POFUT1: variants seen among roughly 807,000 people sequenced by gnomAD.
The protein encoded by POFUT1 is GDP-fucose protein O-fucosyltransferase 1.
Under a neutral mutation model 42.4 loss-of-function variants are expected in POFUT1, and 16 were observed. The ratio of observed to expected loss-of-function variants is 0.38; its 90% CI spans 0.26 to 0.57. The LOEUF (loss-of-function observed/expected upper bound fraction) is 0.57, where lower values mean the gene tolerates loss of function less well. POFUT1 is among the 20% of genes least tolerant of loss of function. The probability of loss-of-function intolerance (pLI) is 0.71; values close to 1 mark genes in which losing one functional copy is unlikely to be tolerated. For missense variants in POFUT1, 470 were observed against 504.6 expected (o/e 0.93, Z 0.66); for synonymous variants, 206 against 205.4 (o/e 1.00, Z -0.03).
chr20:32,223,597 T>C (rs953208482), intron 4 of POFUT1: 9 of 985,412 alleles, frequency 9.1e-6, no homozygotes, highest in Non-Finnish European at 1.1e-5. Context: ...TGAGGTAGCA[T>C]CTGAAAGATT....
chr20:32,215,262 C>T lies in POFUT1; in HGVS notation c.247-7C>T, dbSNP rs764937706. On this transcript the variant is annotated splice_region_variant and splice_polypyrimidine_tract_variant and intron_variant, in intron 2 of 6. Transcript: ENST00000375749. ...AGACGGGACCTCTGCTCCTCCTTTTCCTGTAGCTCCATGTGTCCTACCAGA... is the reference window on the plus strand; with the variant it reads ...AGACGGGACCTCTGCTCCTCCTTTTTCTGTAGCTCCATGTGTCCTACCAGA... 16 of 1,603,254 alleles carry T rather than the reference C, an allele frequency of 1.0e-5. No homozygotes were observed. In the Admixed American group the frequency reaches 1.7e-4, roughly 17 times the overall value.
Position 32,237,765 on chromosome 20 carries a change from A to C in POFUT1, c.*3104A>C, listed in dbSNP as rs1288308721. 1.9e-6 allele frequency: 1 copy of C among 534,370 alleles called. No homozygotes were observed. Among genetic ancestry groups the C allele is most frequent in the South Asian group, 1.4e-5 (1 of 71,542 alleles). The allele number at this position is 534,370 out of a possible 1,614,324, so 33.1% of individuals were successfully genotyped here. ...GAGAAAGGGTGAAAGCAGAGAGACC[A>C]GTGCAGGGCTGTTAACAGGGTTGCA... On this transcript the variant is annotated 3_prime_UTR_variant, in exon 7 of 7. Coordinates refer to ENST00000375749, the MANE Select transcript of POFUT1 (RefSeq NM_015352.2).
At chr20:32,223,638 A>G in intron 4 of POFUT1, 5 of 985,416 alleles carry the variant, frequency 5.1e-6, no homozygotes, top group Non-Finnish European at 6.0e-6. Context: ...GTAGCTACTC[A>G]GGTAATATGA....
intron 4 of POFUT1, among the ~76,000 whole-genome samples, chr20:32,225,195 A>T (rs1182816138): frequency 6.6e-6 from 1 of 151,532 alleles, no homozygotes; most frequent in Non-Finnish European, 1.5e-5. Flanking sequence ...TTTTATTTTT[A>T]TTATTATTTT....
At chr20:32,212,200 C>G (rs1400183516) in intron 2 of POFUT1, among the ~76,000 whole-genome samples, 3 of 152,150 alleles carry the variant, frequency 2.0e-5, no homozygotes, top group Non-Finnish European at 4.4e-5. Flanking sequence ...GTGGCTTTTA[C>G]TCTTCTCCGT....
At chr20:32,225,100 C>T (rs865923518) in intron 4 of POFUT1, among the ~76,000 whole-genome samples, 11 of 152,168 alleles carry the variant, frequency 7.2e-5, no homozygotes, top group Non-Finnish European at 7.3e-5. Context: ...TATTAATTAG[C>T]TTGGCTGTAC....
At chr20:32,226,733 TA>T (rs1168969167) in intron 4 of POFUT1, among the ~76,000 whole-genome samples, 1 of 152,188 alleles carries the variant, frequency 6.6e-6, no homozygotes, top group Non-Finnish European at 1.5e-5. Context: ...GACCCAAGGA[TA>T]ATTCCCTTGA....
rs1257318778 is a variant in POFUT1, at chr20:32,207,892, C to G, written c.-50C>G. 1 of 1,483,378 alleles carries G rather than the reference C, an allele frequency of 6.7e-7. No individual in the cohort carries two copies. Among genetic ancestry groups the G allele is most frequent in the Middle Eastern group, 2.4e-4 (1 of 4,180 alleles). 91.9% of individuals were successfully genotyped at this position (1,483,378 alleles called of 1,614,324 possible). ...GAGCGGGGCGGGCGCTCGCGTCCCT[C>G]CTTCCCTCCCCGACTGTGCGCCGCG... On this transcript the variant is annotated 5_prime_UTR_variant, in exon 1 of 7. Transcript: ENST00000375749.
In POFUT1 at chr20:32,216,734, G is replaced by C. The variant is rs1248005491; in HGVS notation, c.542+13G>C. 1.3e-6 allele frequency: 2 copies of C among 1,574,742 alleles called. No individual in the cohort carries two copies. Among genetic ancestry groups the C allele is most frequent in the African/African-American group, 2.7e-5 (2 of 74,062 alleles). ...AATGGAGCCAGAGGTACTTGGAGGG[G>C]GTAGCGTTTCTGGGTTTAGGGGAGG... On this transcript the variant is annotated intron_variant, in intron 4 of 6. Transcript: ENST00000375749.
Position 32,228,200 on chromosome 20 carries a change from G to A in POFUT1, c.543-63G>A, listed in dbSNP as rs966227138. ...ATGGTGCAACACCATCCTTTTTCCC[G>A]TGGGGGTGGCAGCCAGGCTCTCTGT... On this transcript the variant is annotated intron_variant, in intron 4 of 6. Coordinates refer to ENST00000375749, the MANE Select transcript of POFUT1 (RefSeq NM_015352.2). The A allele has an allele frequency of 1.1e-5, 15 of 1,403,632 alleles. 1 individual carries two copies. Among genetic ancestry groups the A allele is most frequent in the East Asian group, 6.9e-5 (3 of 43,504 alleles). The allele number at this position is 1,403,632 out of a possible 1,614,324, so 86.9% of individuals were successfully genotyped here.
intron 4 of POFUT1, among the ~76,000 whole-genome samples, chr20:32,220,857 C>T (rs1199431455): frequency 6.6e-6 from 1 of 152,090 alleles, no homozygotes; most frequent in Non-Finnish European, 1.5e-5. Context: ...CATGTATACA[C>T]TTGACCTCTC....
intron 4 of POFUT1, among the ~76,000 whole-genome samples, chr20:32,221,120 AAC>A (rs1300877119): frequency 6.6e-6 from 1 of 152,216 alleles, no homozygotes; most frequent in Non-Finnish European, 1.5e-5. Context: ...CAGGGGTCAA[AAC>A]ACGCGGGTTT....
At chr20:32,210,327 A>G in intron 2 of POFUT1, 135 bp downstream of exon 2, 1 of 850,712 alleles carries the variant, frequency 1.2e-6, no homozygotes, top group Non-Finnish European at 2.0e-6. Context: ...AACTGTCTTC[A>G]CTGCAATAAC....
intron 2 of POFUT1, 137 bp from the exon 3 acceptor site, chr20:32,215,132 G>C (rs1013919889): frequency 1.8e-6 from 1 of 568,612 alleles, no homozygotes; most frequent in East Asian, 2.9e-5. Context: ...CAAGTGATCC[G>C]CCCGCCTTAT....
intron 2 of POFUT1, 141 bp downstream of exon 2, chr20:32,210,333 A>G (rs577409406): frequency 4.9e-6 from 4 of 818,138 alleles, no homozygotes; most frequent in South Asian, 3.0e-5. Flanking sequence ...CTTCACTGCA[A>G]TAACAATGCC....
rs1441938649 is a variant in POFUT1 at position 32,207,956 on chromosome 20, G to T, written c.15G>T (p.Ala5=). 1.9e-6 allele frequency: 3 copies of T among 1,589,466 alleles called. No individual in the cohort carries two copies. Among genetic ancestry groups the T allele is most frequent in the African/African-American group, 1.3e-5 (1 of 74,406 alleles). MGAA[A]WARPLSVSFL... The stretch of plus-strand genomic sequence containing the variant: ...CCCGGGCCGACATGGGCGCCGCCGC[G>T]TGGGCACGGCCGCTGAGCGTGTCTT... Residue 5 remains alanine (A), a synonymous_variant, in exon 1 of 7, where the codon GCG becomes GCT. Coordinates refer to ENST00000375749, the MANE Select transcript of POFUT1 (RefSeq NM_015352.2).
intron 4 of POFUT1, chr20:32,217,032 C>G (rs1345058719): frequency 6.2e-7 from 1 of 1,614,038 alleles, no homozygotes; most frequent in African/African-American, 1.3e-5. Context: ...CCTGTGTTAC[C>G]TTACTCTTCC....
chr20:32,216,623 T>G lies in POFUT1; in HGVS notation c.444T>G (p.Phe148Leu), dbSNP rs1343897425. The part of the protein sequence containing the change: ...KTCPMKEGNP[F>L]GPFWDQFHVS... ...TCTTTCTGCAGGAAGGAAACCCCTT[T>G]GGCCCATTCTGGGATCAGTTTCATG... The change falls in exon 4 of 7, where the codon TTT becomes TTG. Residue 148 changes from phenylalanine to leucine, a missense_variant. Phe to Leu is a conservative substitution (Grantham distance 22, BLOSUM62 0). Coordinates refer to ENST00000375749, the MANE Select transcript of POFUT1 (RefSeq NM_015352.2). The G allele has an allele frequency of 1.2e-6, 2 of 1,612,154 alleles. No individual in the cohort carries two copies. The highest frequency in any genetic ancestry group is 1.7e-5 in the Admixed American group (1 of 59,994).
Position 32,230,928 on chromosome 20 carries a change from T to G in POFUT1, c.845T>G (p.Met282Arg), listed in dbSNP as rs749000411. ...ACAGCGGCCCCCCTCACGATGACTA[T>G]GTGCCTGCCTGACCTGAAGGAGATC... ...RSTAAPLTMT[M>R]CLPDLKEIQR... Residue 282 changes from methionine (M) to arginine (R), a missense_variant, in exon 6 of 7, where the codon ATG (methionine) becomes AGG (arginine). Physicochemically the swap from Met to Arg is moderately conservative, Grantham distance 91 (BLOSUM62 -1). Coordinates refer to ENST00000375749, the MANE Select transcript of POFUT1 (RefSeq NM_015352.2). 2.3e-5 allele frequency: 37 copies of G among 1,614,102 alleles called. No homozygotes were observed. The highest frequency in any genetic ancestry group is 3.1e-5 in the Non-Finnish European group (36 of 1,180,044).
Sources: allele counts gnomAD v4.1 joint callset (sites outside exome capture counted in the v4.1 genomes callset), GRCh38; gene constraint gnomAD v4.1.1; transcripts MANE v1.5; gene names NCBI Gene and HGNC (gene_info 2026-07-23, HGNC 2026-07-21).